Variants in ITPR1 observed in about 807,000 individuals in gnomAD.
ITPR1 encodes inositol 1,4,5-trisphosphate-gated calcium channel ITPR1.
ITPR1 carries 96 observed loss-of-function variants against 318.4 expected under a neutral mutation model. That is an observed-to-expected ratio of 0.30 (90% CI 0.26 to 0.36). The LOEUF is 0.36. Among genes scored for constraint, ITPR1 ranks in the 10% least tolerant of loss-of-function variants. The pLI is 1.00. For synonymous variants in ITPR1, 1,312 were observed against 1,289.9 expected (o/e 1.02, Z -0.37); for missense variants, 2,440 against 3,460.2 (o/e 0.71, Z 7.40).
intron 4 of ITPR1, among the ~76,000 whole-genome samples, chr3:4,606,374 A>G (rs887110600): frequency 1.3e-5 from 2 of 152,158 alleles, no homozygotes; most frequent in African/African-American, 4.8e-5. Context: ...TGCTGGTAAC[A>G]TGGGAATACA....
chr3:4,838,918 A>T (rs2106548005), intron 61 of ITPR1, among the ~76,000 whole-genome samples: 1 of 152,336 alleles, frequency 6.6e-6, no homozygotes, highest in Admixed American at 6.5e-5. Context: ...CAGAGCTAAG[A>T]ATCTGTTATT....
chr3:4,561,728 C>A (rs4685762), intron 4 of ITPR1, among the ~76,000 whole-genome samples: 7,768 of 151,506 alleles, frequency 0.051, 319 homozygotes, highest in East Asian at 0.12. Flanking sequence ...CATGGTTTAG[C>A]CTGAATGACT....
chr3:4,819,233 G>T (rs958489018), intron 60 of ITPR1, among the ~76,000 whole-genome samples: 1 of 152,234 alleles, frequency 6.6e-6, no homozygotes, highest in African/African-American at 2.4e-5. Context: ...CGATTACGTG[G>T]TTGTGTTTGC....
intron 40 of ITPR1, among the ~76,000 whole-genome samples, chr3:4,725,172 A>G (rs933440390): frequency 6.6e-6 from 1 of 151,938 alleles, no homozygotes; most frequent in African/African-American, 2.4e-5. Flanking sequence ...GCCTCCGTGG[A>G]CACGCATACT....
intron 44 of ITPR1, among the ~76,000 whole-genome samples, chr3:4,762,147 C>T (rs1210001813): frequency 2.0e-5 from 3 of 152,214 alleles, no homozygotes; most frequent in Non-Finnish European, 4.4e-5. Context: ...AACCCCACTT[C>T]TTTCTTCGGG....
At position 4,632,225 on chromosome 3, in the gene ITPR1, G is replaced by A. The variant is rs115725588; in HGVS notation, c.279+4347G>A. Among the ~76,000 whole-genome samples, 1,457 of 152,342 alleles carry A rather than the reference G, an allele frequency of 9.6e-3. 30 individuals are homozygous for A. Among genetic ancestry groups the A allele is most frequent in the African/African-American group, 0.033 (1,368 of 41,582 alleles). On this transcript the variant is annotated intron_variant, in intron 5 of 61. Coordinates refer to ENST00000649015, the MANE Select transcript of ITPR1 (RefSeq NM_001378452.1). ...TGTATATTTAGTGCATATGCCCATAGGGGGCTATCTTTCTGGAGGGTCTAT... is the reference window on the plus strand; with the variant it reads ...TGTATATTTAGTGCATATGCCCATAAGGGGCTATCTTTCTGGAGGGTCTAT...
chr3:4,747,987 G>T (rs2044228411), intron 44 of ITPR1, among the ~76,000 whole-genome samples: 1 of 152,190 alleles, frequency 6.6e-6, no homozygotes, highest in Non-Finnish European at 1.5e-5. Flanking sequence ...GTCTTTACTG[G>T]TTGAAGAATA....
intron 4 of ITPR1, among the ~76,000 whole-genome samples, chr3:4,570,722 C>T (rs1187230970): frequency 6.6e-6 from 1 of 152,212 alleles, no homozygotes; most frequent in East Asian, 1.9e-4. Flanking sequence ...CTATCAATTA[C>T]TTACCGTCCA....
At chr3:4,801,024 G>C (rs1003357929) in intron 54 of ITPR1, among the ~76,000 whole-genome samples, 2 of 152,186 alleles carry the variant, frequency 1.3e-5, no homozygotes, top group Admixed American at 6.5e-5. Flanking sequence ...AAGAGGGCCT[G>C]GCCAAATACA....
Position 4,691,249 on chromosome 3 carries a change from C to T in ITPR1, c.3934C>T (p.His1312Tyr), listed in dbSNP as rs748960569. ...VQHFVHCIET[H>Y]GRNVQYIKFL... is the part of the protein sequence containing the mutation. ...GCACTTCGTTCACTGCATAGAGACT[C>T]ACGGTCGGAATGTCCAGTATATAAA... is the stretch of plus-strand genomic sequence containing the variant. The change falls in exon 32 of 62, where the codon CAC becomes TAC. Residue 1312 changes from histidine (H) to tyrosine (Y), a missense_variant. By Grantham distance (83) the His-to-Tyr change is moderately conservative (BLOSUM62 2). Around this residue, in one of 23 missense-constraint regions of ITPR1, gnomAD observed 222 missense variants for 318.8 expected, o/e 0.70. Transcript: ENST00000649015. 2.5e-6 allele frequency: 4 copies of T among 1,612,898 alleles called. No individual in the cohort carries two copies. The East Asian group carries it at 8.9e-5, about 36-fold the overall frequency.
Position 4,690,647 on chromosome 3 carries a change from C to T in ITPR1, c.3829-497C>T, listed in dbSNP as rs144049442. On this transcript the variant is annotated intron_variant, in intron 31 of 61. Coordinates refer to ENST00000649015, the MANE Select transcript of ITPR1 (RefSeq NM_001378452.1). The stretch of plus-strand genomic sequence containing the variant: ...ACATGTGTAAGAATGTTCACAGCAA[C>T]TCTAGTATTTATAATACTAGGAATG... Among the ~76,000 whole-genome samples, 372 of 152,310 alleles carry T rather than the reference C, an allele frequency of 2.4e-3. 1 individual carries two copies. The highest frequency in any genetic ancestry group is 3.5e-3 in the South Asian group (17 of 4,828).
At chr3:4,836,611 C>G (rs752521001) in intron 60 of ITPR1, among the ~76,000 whole-genome samples, 163 bp from the exon 61 acceptor site, 2 of 151,798 alleles carry the variant, frequency 1.3e-5, no homozygotes, top group African/African-American at 4.8e-5. Flanking sequence ...AAGATAGCTA[C>G]TGAGCAATTA....
At chr3:4,661,827 C>G (rs984475598) in intron 14 of ITPR1, among the ~76,000 whole-genome samples, 2 of 152,064 alleles carry the variant, frequency 1.3e-5, no homozygotes, top group African/African-American at 4.8e-5. Context: ...TTGGATGCTC[C>G]CTGTAACAAA....
chr3:4,609,051 A>AATATATATATATATAT lies in ITPR1; in HGVS notation c.164-18688_164-18673dup, dbSNP rs754002503. Among the ~76,000 whole-genome samples, 326 of 46,398 alleles carry AATATATATATATATAT rather than the reference A, an allele frequency of 7.0e-3. 3 individuals are homozygous for AATATATATATATATAT. Among genetic ancestry groups the AATATATATATATATAT allele is most frequent in the Non-Finnish European group, 9.0e-3 (196 of 21,660 alleles). The allele number at this position is 46,398 out of a possible 152,430, so 30.4% of individuals were successfully genotyped here. A position where few individuals can be genotyped will look rare whatever the true frequency, so the allele number is the denominator to read the frequency against. ...CAAAAGAAAACAACAACAACAACGA[A>AATATATATATATATAT]ATATATATATATATATATATATATA... On this transcript the variant is annotated intron_variant, in intron 4 of 61. Coordinates refer to ENST00000649015, the MANE Select transcript of ITPR1 (RefSeq NM_001378452.1).
At position 4,707,200 on chromosome 3, in the gene ITPR1, T is replaced by C. The variant is rs1431271376; in HGVS notation, c.4842+849T>C. The stretch of plus-strand genomic sequence containing the variant: ...GTTGATAATATGTCCCAGTTACCTG[T>C]ATTTCGTGCAGTAAATCACAACAAT... On this transcript the variant is annotated intron_variant, in intron 37 of 61. Transcript: ENST00000649015. 2.6e-5 allele frequency among the ~76,000 whole-genome samples: 4 copies of C among 152,272 alleles called. No homozygotes were observed. The South Asian group carries it at 6.2e-4, about 24-fold the overall frequency.
chr3:4,815,894 G>C (rs1404365781), intron 59 of ITPR1, among the ~76,000 whole-genome samples: 1 of 151,900 alleles, frequency 6.6e-6, no homozygotes, highest in Non-Finnish European at 1.5e-5. Flanking sequence ...CATAATTTCA[G>C]AGTTATAGAA....
rs767614218 is a variant in ITPR1 at position 4,661,106 on chromosome 3, C to T, written c.1251+19C>T. ...GCTGAAAGTAAGTCCTGGGACTTGCCTGTCTCCTTTTGGTCTCGTGTTTCC... is the reference window on the plus strand; with the variant it reads ...GCTGAAAGTAAGTCCTGGGACTTGCTTGTCTCCTTTTGGTCTCGTGTTTCC... On this transcript the variant is annotated intron_variant, in intron 14 of 61. Transcript: ENST00000649015. 3 of 1,431,486 alleles carry T rather than the reference C, an allele frequency of 2.1e-6. No individual in the cohort carries two copies. The highest frequency in any genetic ancestry group is 3.0e-6 in the Non-Finnish European group (3 of 1,014,142). The allele number at this position is 1,431,486 out of a possible 1,614,324, so 88.7% of individuals were successfully genotyped here. A position where few individuals can be genotyped will look rare whatever the true frequency, so the allele number is the denominator to read the frequency against.
intron 4 of ITPR1, among the ~76,000 whole-genome samples, chr3:4,574,247 G>C (rs931785848): frequency 6.7e-6 from 1 of 149,420 alleles, no homozygotes; most frequent in African/African-American, 2.5e-5. Context: ...TTCAGGGATT[G>C]ATGGGAATTA....
chr3:4,788,777 G>A (rs569808053), intron 52 of ITPR1, among the ~76,000 whole-genome samples: 39 of 152,180 alleles, frequency 2.6e-4, no homozygotes, highest in Non-Finnish European at 4.9e-4. Flanking sequence ...CCAGCCTTGT[G>A]CTTGGCACTG....
Sources: gnomAD v4.1 joint callset for allele counts (sites outside exome capture counted in the v4.1 genomes callset) on GRCh38, gnomAD v4.1.1 for gene constraint, gnomAD v4.1.1 regional missense constraint, MANE v1.5 for transcripts, NCBI Gene and HGNC (gene_info 2026-07-23, HGNC 2026-07-21) for gene names.